RBFOX1: variants seen among roughly 807,000 people sequenced by gnomAD.
RBFOX1 encodes RNA binding protein fox-1 homolog 1.
Under a neutral mutation model 57.7 loss-of-function variants are expected in RBFOX1, and 8 were observed. The observed-to-expected ratio is 0.14, with a 90% CI of 0.08 to 0.25. The LOEUF (loss-of-function observed/expected upper bound fraction) is 0.25. RBFOX1 is among the 10% of genes least tolerant of loss of function. The probability of loss-of-function intolerance (pLI) is 1.00; values close to 1 mark genes in which losing one functional copy is unlikely to be tolerated. For synonymous variants in RBFOX1, 326 were observed against 222.4 expected (o/e 1.47, Z -4.15); for missense variants, 611 against 548.5 (o/e 1.11, Z -1.14).
Position 6,867,766 on chromosome 16 carries a change from T to A in RBFOX1, c.-15-184291T>A, listed in dbSNP as rs190354410. Among the ~76,000 whole-genome samples the A allele has an allele frequency of 3.8e-4, 58 of 152,326 alleles. No individual in the cohort carries two copies. In the South Asian group the frequency reaches 4.4e-3, roughly 11 times the overall value. On this transcript the variant is annotated intron_variant, in intron 3 of 15. Transcript: ENST00000550418. The stretch of plus-strand genomic sequence containing the variant: ...TATCAGTTAATGTGTGAATTACCCA[T>A]GGCATCATTACCTTTAGGTTTGCTC...
intron 2 of RBFOX1, among the ~76,000 whole-genome samples, chr16:5,487,251 C>T (rs998923722): frequency 2.0e-5 from 3 of 152,150 alleles, no homozygotes; most frequent in African/African-American, 4.8e-5. Context: ...TGAAGCATTA[C>T]GGAGGCCAGG....
At chr16:6,634,132 A>G (rs542398880) in intron 2 of RBFOX1, among the ~76,000 whole-genome samples, 2 of 152,276 alleles carry the variant, frequency 1.3e-5, no homozygotes, top group South Asian at 4.2e-4. Flanking sequence ...ATTCTACTAT[A>G]CCAGTTATTG....
chr16:7,079,936 A>C (rs192403167), intron 4 of RBFOX1, among the ~76,000 whole-genome samples: 1 of 151,624 alleles, frequency 6.6e-6, no homozygotes, highest in Non-Finnish European at 1.5e-5. Flanking sequence ...TTGCCCAACA[A>C]TGTGAATGTA....
At chr16:6,611,086 A>G (rs2098043128) in intron 2 of RBFOX1, among the ~76,000 whole-genome samples, 1 of 152,188 alleles carries the variant, frequency 6.6e-6, no homozygotes, top group African/African-American at 2.4e-5. Flanking sequence ...AAAAGCAGGA[A>G]ACCAACAGGA....
intron 1 of RBFOX1, among the ~76,000 whole-genome samples, chr16:5,348,343 A>G (rs1038722174): frequency 1.3e-5 from 2 of 152,214 alleles, no homozygotes; most frequent in Non-Finnish European, 2.9e-5. Flanking sequence ...ATTTATGACT[A>G]ATAGTAATAG....
intron 4 of RBFOX1, among the ~76,000 whole-genome samples, chr16:7,455,855 C>T (rs1171397657): frequency 2.0e-5 from 3 of 150,582 alleles, no homozygotes; most frequent in Non-Finnish European, 4.4e-5. Context: ...TAGTCACTGA[C>T]ATTGAAACTT....
At chr16:7,145,522 C>T (rs923560732) in intron 4 of RBFOX1, among the ~76,000 whole-genome samples, 1 of 149,530 alleles carries the variant, frequency 6.7e-6, no homozygotes, top group Non-Finnish European at 1.5e-5. Flanking sequence ...CCCCTTTTGC[C>T]ATGTGATTTT....
At chr16:5,915,143 C>G (rs181733106) in intron 4 of RBFOX1, among the ~76,000 whole-genome samples, 28 of 152,270 alleles carry the variant, frequency 1.8e-4, no homozygotes, top group African/African-American at 6.5e-4. Context: ...CTTTTTATTG[C>G]CCACTCCCTT....
At chr16:7,191,811 C>A (rs548313525) in intron 4 of RBFOX1, among the ~76,000 whole-genome samples, 1 of 152,204 alleles carries the variant, frequency 6.6e-6, no homozygotes, top group South Asian at 2.1e-4. Context: ...TAAGCATAGC[C>A]TTCTAACCAT....
chr16:7,289,476 C>A (rs913060527), intron 4 of RBFOX1, among the ~76,000 whole-genome samples: 4 of 152,118 alleles, frequency 2.6e-5, no homozygotes, highest in African/African-American at 9.7e-5. Context: ...CTGTCACCAC[C>A]ATTATGATTA....
intron 3 of RBFOX1, among the ~76,000 whole-genome samples, chr16:6,667,068 C>G (rs886610110): frequency 6.6e-6 from 1 of 152,144 alleles, no homozygotes; most frequent in Non-Finnish European, 1.5e-5. Flanking sequence ...GTTAGTCGTA[C>G]TTTCCTCTTT....
chr16:5,744,506 T>C (rs1182184048), intron 3 of RBFOX1, among the ~76,000 whole-genome samples: 3 of 152,182 alleles, frequency 2.0e-5, no homozygotes, highest in African/African-American at 7.2e-5. Flanking sequence ...ATTGTGTCTC[T>C]TCTTTCCAAC....
At chr16:6,553,391 T>C (rs1230215806) in intron 2 of RBFOX1, among the ~76,000 whole-genome samples, 2 of 152,192 alleles carry the variant, frequency 1.3e-5, no homozygotes, top group African/African-American at 4.8e-5. Flanking sequence ...TGAACGTCTA[T>C]CAAGGATGGA....
chr16:7,676,667 T>C lies in RBFOX1; in HGVS notation c.931-107T>C, dbSNP rs113416395. 149 of 952,246 alleles carry C rather than the reference T, an allele frequency of 1.6e-4. No homozygotes were observed. In the African/African-American group the frequency reaches 2.2e-3, roughly 14 times the overall value. The allele number at this position is 952,246 out of a possible 1,614,324, so 59.0% of individuals were successfully genotyped here. Reference sequence around the variant, plus strand: ...ACTAAGCTTTCATTAACCTCAACTTTAGCTCAGTAGATTTGGGTAACAGCT... The same window carrying C: ...ACTAAGCTTTCATTAACCTCAACTTCAGCTCAGTAGATTTGGGTAACAGCT... On this transcript the variant is annotated intron_variant, in intron 13 of 15. Coordinates refer to ENST00000550418, the MANE Select transcript of RBFOX1 (RefSeq NM_018723.4).
At chr16:7,494,428 T>A (rs1208409583) in intron 4 of RBFOX1, among the ~76,000 whole-genome samples, 1 of 152,172 alleles carries the variant, frequency 6.6e-6, no homozygotes, top group African/African-American at 2.4e-5. Context: ...TCCCTCAACA[T>A]GCTCCTTTCC....
intron 1 of RBFOX1, among the ~76,000 whole-genome samples, chr16:6,267,402 C>T (rs2074650044): frequency 6.6e-6 from 1 of 152,192 alleles, no homozygotes; most frequent in Non-Finnish European, 1.5e-5. Context: ...CCCTCCTCTT[C>T]TGTTCCTTAT....
chr16:6,413,501 A>G (rs527685864), intron 2 of RBFOX1, among the ~76,000 whole-genome samples: 1 of 152,086 alleles, frequency 6.6e-6, no homozygotes, highest in African/African-American at 2.4e-5. Flanking sequence ...AGGACAGTGA[A>G]ATTTTTAGTC....
intron 3 of RBFOX1, among the ~76,000 whole-genome samples, chr16:6,798,859 G>T (rs74426764): frequency 2.1e-3 from 317 of 152,224 alleles, no homozygotes; most frequent in South Asian, 4.4e-3. Flanking sequence ...AATTCAATCT[G>T]CAGTTTGAAC....
chr16:6,014,498 A>G (rs1366848788), upstream of RBFOX1, among the ~76,000 whole-genome samples: 1 of 152,208 alleles, frequency 6.6e-6, no homozygotes, highest in Non-Finnish European at 1.5e-5. Flanking sequence ...ACCCTGACCT[A>G]CACGATAGAT....
Sources: allele counts gnomAD v4.1 joint callset (sites outside exome capture counted in the v4.1 genomes callset), GRCh38; gene constraint gnomAD v4.1.1; transcripts MANE v1.5; gene names NCBI Gene and HGNC (gene_info 2026-07-23, HGNC 2026-07-21).